The following ITPR1 variants were observed in gnomAD, a reference collection of about 807,000 sequenced individuals.
The protein encoded by ITPR1 is inositol 1,4,5-trisphosphate-gated calcium channel ITPR1.
Under a neutral mutation model 318.4 loss-of-function variants are expected in ITPR1, and 96 were observed. The ratio of observed to expected loss-of-function variants is 0.30; its 90% CI spans 0.26 to 0.36. ITPR1 has a LOEUF of 0.36. ITPR1 is among the 10% of genes least tolerant of loss of function. The pLI is 1.00. For missense variants in ITPR1, 2,440 were observed against 3,460.2 expected, an observed-to-expected ratio of 0.71 and a Z score of 7.40; for synonymous variants, 1,312 against 1,289.9, an observed-to-expected ratio of 1.02 and a Z score of -0.37.
chr3:4,748,398 A>T (rs1423462281), intron 44 of ITPR1, among the ~76,000 whole-genome samples: 6 of 152,072 alleles, frequency 3.9e-5, no homozygotes, highest in Non-Finnish European at 8.8e-5. Context: ...TTGGTTAGCC[A>T]ATGAGTTTTA....
At chr3:4,503,796 C>G (rs771911416) in intron 2 of ITPR1, among the ~76,000 whole-genome samples, 5 of 152,284 alleles carry the variant, frequency 3.3e-5, no homozygotes, top group Non-Finnish European at 4.4e-5. Flanking sequence ...AGACTTTTGT[C>G]TCTCTCTGAG....
intron 2 of ITPR1, among the ~76,000 whole-genome samples, chr3:4,499,448 C>G (rs2080855692): frequency 6.6e-6 from 1 of 152,064 alleles, no homozygotes; most frequent in Non-Finnish European, 1.5e-5. Context: ...GATGGCCTTT[C>G]ATTTTTATTG....
rs934724566 is a variant in ITPR1 at position 4,674,126 on chromosome 3, G to C, written c.2457-76G>C. ...CAAGGGTTAGGGGATGTTGACTTTT[G>C]AAGCTGAGTGACCCAGGAAGACCTC... On this transcript the variant is annotated intron_variant, in intron 21 of 61. Transcript: ENST00000649015. The C allele has an allele frequency of 4.8e-6, 6 of 1,239,794 alleles. No individual in the cohort carries two copies. In the African/African-American group the frequency reaches 6.2e-5, roughly 13 times the overall value. The allele number at this position is 1,239,794 out of a possible 1,614,324, so 76.8% of individuals were successfully genotyped here. A position where few individuals can be genotyped will look rare whatever the true frequency, so the allele number is the denominator to read the frequency against.
At chr3:4,774,511 A>G (rs1170263666) in intron 46 of ITPR1, among the ~76,000 whole-genome samples, 1 of 152,272 alleles carries the variant, frequency 6.6e-6, no homozygotes, top group Non-Finnish European at 1.5e-5. Context: ...TTTTAAGAAC[A>G]GATGACTGGA....
intron 42 of ITPR1, among the ~76,000 whole-genome samples, chr3:4,732,029 C>T (rs1021592924): frequency 6.6e-6 from 1 of 152,156 alleles, no homozygotes; most frequent in African/African-American, 2.4e-5. Context: ...TGACTTGCTA[C>T]TTTGATTCCG....
rs570667990 is a variant in ITPR1 at position 4,666,829 on chromosome 3, G to C, written c.1714-548G>C. On this transcript the variant is annotated intron_variant, in intron 17 of 61. Transcript: ENST00000649015. ...AGCTGATCCCAAAAGAGAGAAACCA[G>C]AGATGTATTCATGAGTTCCATGCAT... 1.5e-3 allele frequency among the ~76,000 whole-genome samples: 233 copies of C among 152,304 alleles called. 2 individuals are homozygous for C. The highest frequency in any genetic ancestry group is 5.4e-3 in the African/African-American group (224 of 41,556).
At chr3:4,689,416 C>G (rs1489917127) in intron 31 of ITPR1, among the ~76,000 whole-genome samples, 1 of 152,216 alleles carries the variant, frequency 6.6e-6, no homozygotes, top group African/African-American at 2.4e-5. Flanking sequence ...AATCTGAAAT[C>G]TGAAAGACTC....
At chr3:4,738,288 T>G (rs562890172) in intron 44 of ITPR1, among the ~76,000 whole-genome samples, 1 of 152,236 alleles carries the variant, frequency 6.6e-6, no homozygotes, top group African/African-American at 2.4e-5. Flanking sequence ...ACCTATGTTA[T>G]ATGTCAATCA....
rs150811158 is a variant in ITPR1, at chr3:4,643,031, T to C, written c.525+780T>C. ...TTTTGACACTTTTTAATAGTGCCAT[T>C]TAAATTTACAAGCTTTGGGAAGTTT... is the stretch of plus-strand genomic sequence containing the variant. On this transcript the variant is annotated intron_variant, in intron 7 of 61. Transcript: ENST00000649015. Among the ~76,000 whole-genome samples the C allele has an allele frequency of 1.6e-3, 246 of 152,356 alleles. 1 individual carries two copies. Among genetic ancestry groups the C allele is most frequent in the African/African-American group, 5.7e-3 (236 of 41,586 alleles).
At chr3:4,667,316 T>A in intron 17 of ITPR1, 61 bp from the exon 18 acceptor site, 1 of 1,312,872 alleles carries the variant, frequency 7.6e-7, no homozygotes, top group South Asian at 1.4e-5. Flanking sequence ...TTCTTTAGTC[T>A]ACGCTTAACC....
Position 4,735,468 on chromosome 3 carries a change from T to C in ITPR1, c.5544+114T>C, listed in dbSNP as rs2043204920. ...GCCTTGTTTGAGAGACAGCTCATTCTGAGGGCACAAAATTCTGTTTTGAAA... is the reference window on the plus strand; with the variant it reads ...GCCTTGTTTGAGAGACAGCTCATTCCGAGGGCACAAAATTCTGTTTTGAAA... On this transcript the variant is annotated intron_variant, in intron 44 of 61. Transcript: ENST00000649015. The C allele has an allele frequency of 8.7e-6, 7 of 808,992 alleles. No homozygotes were observed. The South Asian group carries it at 9.5e-5, about 11-fold the overall frequency. The allele number at this position is 808,992 out of a possible 1,614,324, so 50.1% of individuals were successfully genotyped here.
At chr3:4,527,693 C>T (rs765400632) in intron 4 of ITPR1, among the ~76,000 whole-genome samples, 1 of 152,120 alleles carries the variant, frequency 6.6e-6, no homozygotes, top group Non-Finnish European at 1.5e-5. Flanking sequence ...ATTGTGCAGT[C>T]ACCATGATAC....
rs1453283084 is a variant in ITPR1 at position 4,577,718 on chromosome 3, T to G, written c.164-50045T>G. On this transcript the variant is annotated intron_variant, in intron 4 of 61. Transcript: ENST00000649015. ...CGTGTCCTCTGTAACCTCTAATTCT[T>G]TTGTACGTCACTGAAAAAAGGATAA... 2.0e-5 allele frequency among the ~76,000 whole-genome samples: 3 copies of G among 152,214 alleles called. No homozygotes were observed. The East Asian group carries it at 5.8e-4, about 29-fold the overall frequency.
At chr3:4,573,172 C>G (rs933400095) in intron 4 of ITPR1, among the ~76,000 whole-genome samples, 6 of 152,106 alleles carry the variant, frequency 3.9e-5, no homozygotes, top group African/African-American at 1.4e-4. Flanking sequence ...ATACTGTTTT[C>G]CATTACAGTT....
intron 61 of ITPR1, among the ~76,000 whole-genome samples, chr3:4,843,018 GAA>G (rs1491208044): frequency 6.7e-6 from 1 of 149,178 alleles, no homozygotes; most frequent in African/African-American, 2.5e-5. Context: ...TAAGCGTCCA[GAA>G]TTGTTGGCCT....
intron 2 of ITPR1, among the ~76,000 whole-genome samples, chr3:4,503,477 G>A (rs540220706): frequency 1.4e-4 from 22 of 152,190 alleles, no homozygotes; most frequent in Non-Finnish European, 2.1e-4. Flanking sequence ...TGCAGAAGGC[G>A]TTACAGATAA....
At position 4,681,409 on chromosome 3, in the gene ITPR1, T is replaced by C; in HGVS notation, c.3152T>C (p.Phe1051Ser). The change falls in exon 26 of 62, where the codon TTT (phenylalanine) becomes TCT (serine). Residue 1051 changes from phenylalanine (F) to serine (S), a missense_variant. Around this residue, in one of 23 missense-constraint regions of ITPR1, gnomAD observed 76 missense variants for 132.2 expected, o/e 0.58. Transcript: ENST00000649015. ...ATTGAAGAACAAGCAGAAGGCATCTTTGGAGGAAGGAAAGTATATTTTCAG... is the reference window on the plus strand; with the variant it reads ...ATTGAAGAACAAGCAGAAGGCATCTCTGGAGGAAGGAAAGTATATTTTCAG... Reference protein sequence around the residue: ...EHIEEQAEGIFGGSEENTPLD... With the variant: ...EHIEEQAEGISGGSEENTPLD... 6.2e-7 allele frequency: 1 copy of C among 1,611,460 alleles called. No individual in the cohort carries two copies. The highest frequency in any genetic ancestry group is 1.3e-5 in the African/African-American group (1 of 74,862).
At chr3:4,656,675 C>A (rs1398439463) in intron 12 of ITPR1, among the ~76,000 whole-genome samples, 1 of 152,218 alleles carries the variant, frequency 6.6e-6, no homozygotes, top group Non-Finnish European at 1.5e-5. Context: ...GAGTTAGATT[C>A]TCCCAGGCTC....
At position 4,697,167 on chromosome 3, in the gene ITPR1, C is replaced by A; in HGVS notation, c.4302C>A (p.Asn1434Lys). Reference sequence around the variant, plus strand: ...TGCAGGTTAAAATTGCATACATTAACTTCCTGAATCACTGCTATGTGGATA... The same window carrying A: ...TGCAGGTTAAAATTGCATACATTAAATTCCTGAATCACTGCTATGTGGATA... ...CIPEVKIAYINFLNHCYVDTE... is the reference protein window; with the variant it reads ...CIPEVKIAYIKFLNHCYVDTE... Residue 1434 changes from asparagine (N) to lysine (K), a missense_variant, in exon 34 of 62, where the codon AAC (asparagine) becomes AAA (lysine). Asn to Lys is a moderately conservative substitution (Grantham distance 94). This residue lies in a region of ITPR1 where 222 missense variants were observed against 318.8 expected (regional missense o/e 0.70). Coordinates refer to ENST00000649015, the MANE Select transcript of ITPR1 (RefSeq NM_001378452.1). The A allele has an allele frequency of 6.2e-7, 1 of 1,609,924 alleles. No homozygotes were observed.
Sources: allele counts gnomAD v4.1 joint callset (sites outside exome capture counted in the v4.1 genomes callset), GRCh38; gene constraint gnomAD v4.1.1; regional missense constraint gnomAD v4.1.1; transcripts MANE v1.5; gene names NCBI Gene and HGNC (gene_info 2026-07-23, HGNC 2026-07-21).